PTPRT: variants seen among roughly 807,000 people sequenced by gnomAD.
The protein encoded by PTPRT is receptor-type tyrosine-protein phosphatase T.
A neutral mutation model predicts 176.8 loss-of-function variants in PTPRT; 56 were observed. That is an observed-to-expected ratio of 0.32 (90% CI 0.26 to 0.40). PTPRT has a LOEUF of 0.40. PTPRT is among the 10% of genes least tolerant of loss of function. The pLI is 1.00. For missense variants in PTPRT, 1,540 were observed against 1,908.2 expected (o/e 0.81, Z 3.60); for synonymous variants, 783 against 739.0 (o/e 1.06, Z -0.96).
chr20:42,235,994 C>T (rs1370707351), intron 15 of PTPRT, among the ~76,000 whole-genome samples: 1 of 152,188 alleles, frequency 6.6e-6, no homozygotes, highest in Non-Finnish European at 1.5e-5. Context: ...CAGCCCTTCA[C>T]ATCTCTAAAA....
intron 1 of PTPRT, among the ~76,000 whole-genome samples, chr20:43,021,286 G>A (rs1985668380): frequency 6.6e-6 from 1 of 152,038 alleles, no homozygotes; most frequent in Non-Finnish European, 1.5e-5. Flanking sequence ...CCTACAGAAG[G>A]CATTTCCTAA....
chr20:42,279,663 T>C (rs1600772678), intron 13 of PTPRT, among the ~76,000 whole-genome samples: 1 of 152,204 alleles, frequency 6.6e-6, no homozygotes. Context: ...AGTAGCAACA[T>C]TACACAAAGG....
At chr20:42,533,688 C>T (rs1457017534) in intron 7 of PTPRT, among the ~76,000 whole-genome samples, 2 of 152,206 alleles carry the variant, frequency 1.3e-5, no homozygotes, top group African/African-American at 4.8e-5. Context: ...CAAAGGGTGA[C>T]AGTGAGAATT....
intron 1 of PTPRT, among the ~76,000 whole-genome samples, chr20:42,893,917 C>T (rs957958635): frequency 9.9e-5 from 15 of 151,474 alleles, no homozygotes; most frequent in Non-Finnish European, 1.8e-4. Context: ...TGCTAAATGA[C>T]GAGTTAATGG....
chr20:42,839,281 G>A (rs935369802), intron 2 of PTPRT, among the ~76,000 whole-genome samples: 2 of 151,200 alleles, frequency 1.3e-5, no homozygotes, highest in Admixed American at 6.6e-5. Flanking sequence ...TCTGAAGCTC[G>A]GGCACACTTA....
intron 1 of PTPRT, among the ~76,000 whole-genome samples, chr20:43,032,737 C>T (rs190258783): frequency 2.0e-5 from 3 of 152,176 alleles, no homozygotes; most frequent in East Asian, 3.9e-4. Flanking sequence ...CCCTTCCCTC[C>T]TACATTTTCA....
At chr20:42,661,637 T>C (rs938611498) in intron 7 of PTPRT, among the ~76,000 whole-genome samples, 1 of 152,090 alleles carries the variant, frequency 6.6e-6, no homozygotes, top group Admixed American at 6.5e-5. Context: ...TCAAGGAAAA[T>C]CTACATGGCC....
intron 16 of PTPRT, among the ~76,000 whole-genome samples, chr20:42,165,811 C>T (rs2146522203): frequency 6.6e-6 from 1 of 152,192 alleles, no homozygotes; most frequent in South Asian, 2.1e-4. Flanking sequence ...TCTAGAGTCA[C>T]ACAGTGGGGC....
intron 6 of PTPRT, among the ~76,000 whole-genome samples, chr20:42,727,006 G>T (rs2076390597): frequency 6.6e-6 from 1 of 152,128 alleles, no homozygotes; most frequent in African/African-American, 2.4e-5. Flanking sequence ...CCTCACAAAA[G>T]GTTACCTCCC....
chr20:42,310,593 T>C (rs930272118), intron 12 of PTPRT, among the ~76,000 whole-genome samples: 9 of 152,184 alleles, frequency 5.9e-5, no homozygotes, highest in African/African-American at 2.2e-4. Flanking sequence ...GCTGAAGCAA[T>C]ACAATGTGTT....
chr20:42,405,199 T>C (rs899332695), intron 9 of PTPRT, among the ~76,000 whole-genome samples: 2 of 151,592 alleles, frequency 1.3e-5, no homozygotes, highest in African/African-American at 4.8e-5. Flanking sequence ...TTTTTTTCTT[T>C]TTTTTTATTA....
At chr20:42,638,578 G>T (rs2074662626) in intron 7 of PTPRT, among the ~76,000 whole-genome samples, 1 of 152,046 alleles carries the variant, frequency 6.6e-6, no homozygotes, top group Non-Finnish European at 1.5e-5. Context: ...AATGAATCCT[G>T]ACTATGCTGT....
At chr20:43,134,510 A>T (rs1376057565) in intron 1 of PTPRT, among the ~76,000 whole-genome samples, 3 of 152,138 alleles carry the variant, frequency 2.0e-5, no homozygotes, top group Non-Finnish European at 4.4e-5. Context: ...TCTTCCTGGT[A>T]ATTTTCTATC....
At chr20:43,109,351 C>A (rs937396555) in intron 1 of PTPRT, among the ~76,000 whole-genome samples, 1 of 152,036 alleles carries the variant, frequency 6.6e-6, no homozygotes, top group Non-Finnish European at 1.5e-5. Flanking sequence ...GCGTGCTTTT[C>A]GAAACTCTCC....
At chr20:42,722,168 C>G (rs910017177) in intron 6 of PTPRT, among the ~76,000 whole-genome samples, 3 of 152,112 alleles carry the variant, frequency 2.0e-5, no homozygotes, top group African/African-American at 7.2e-5. Context: ...TATGAGTCAC[C>G]TGATGAACTT....
intron 13 of PTPRT, among the ~76,000 whole-genome samples, chr20:42,269,413 G>A (rs895478492): frequency 3.3e-5 from 5 of 152,144 alleles, no homozygotes; most frequent in Non-Finnish European, 7.3e-5. Context: ...GCCATTGTCT[G>A]GGCAAGGACT....
intron 12 of PTPRT, 36 bp downstream of exon 12, chr20:42,315,687 C>A: frequency 6.3e-7 from 1 of 1,596,120 alleles, no homozygotes; most frequent in Non-Finnish European, 8.6e-7. Context: ...AAAATGCAAA[C>A]AAGGCAAGGA....
At chr20:42,689,435 C>T (rs1201324749) in intron 6 of PTPRT, among the ~76,000 whole-genome samples, 3 of 152,182 alleles carry the variant, frequency 2.0e-5, no homozygotes, top group Non-Finnish European at 4.4e-5. Context: ...GCCACCTCCA[C>T]GGATAAAACC....
chr20:43,146,571 A>C (rs2014175303), intron 1 of PTPRT, among the ~76,000 whole-genome samples: 1 of 151,924 alleles, frequency 6.6e-6, no homozygotes, highest in African/African-American at 2.4e-5. Flanking sequence ...AAAAAAAAAA[A>C]ATCACCCCAA....
Sources: allele counts gnomAD v4.1 joint callset (sites outside exome capture counted in the v4.1 genomes callset), GRCh38; gene constraint gnomAD v4.1.1; transcripts MANE v1.5; gene names NCBI Gene and HGNC (gene_info 2026-07-23, HGNC 2026-07-21).